The following AP4E1 variants were observed in gnomAD, a reference collection of about 807,000 sequenced individuals.
AP4E1 encodes adaptor related protein complex 4 subunit epsilon 1, also known as AP-4 complex subunit epsilon-1.
Under a neutral mutation model 128.2 loss-of-function variants are expected in AP4E1, and 56 were observed. That is an observed-to-expected ratio of 0.44 (90% CI 0.35 to 0.55). The LOEUF (loss-of-function observed/expected upper bound fraction) is 0.55. AP4E1 is among the 20% of genes least tolerant of loss of function. The pLI, the probability that AP4E1 is intolerant of heterozygous loss-of-function variation, is 0.00. For missense variants in AP4E1, 1,324 were observed against 1,307.7 expected (o/e 1.01, Z -0.19); for synonymous variants, 484 against 473.1 (o/e 1.02, Z -0.30).
intron 16 of AP4E1, among the ~76,000 whole-genome samples, chr15:50,986,429 A>G (rs1167148947): frequency 1.3e-5 from 2 of 152,278 alleles, no homozygotes; most frequent in Middle Eastern, 3.4e-3. Flanking sequence ...ATTCAGTATG[A>G]TATTGGCTGT....
Position 50,997,723 on chromosome 15 carries a change from A to G in AP4E1, c.2744A>G (p.His915Arg), listed in dbSNP as rs1414072598. The G allele has an allele frequency of 1.9e-6, 3 of 1,613,810 alleles. No individual in the cohort carries two copies. The highest frequency in any genetic ancestry group is 1.7e-5 in the Admixed American group (1 of 59,998). The change falls in exon 18 of 21, where the codon CAC becomes CGC. Residue 915 changes from histidine (H) to arginine (R), a missense_variant. His to Arg is a conservative substitution (Grantham distance 29, BLOSUM62 0). Coordinates refer to ENST00000261842, the MANE Select transcript of AP4E1 (RefSeq NM_007347.5). ...SFLEETTEYIHSNAMEVCNNE... is the reference protein window; with the variant it reads ...SFLEETTEYIRSNAMEVCNNE... ...TTGGAAGAAACTACTGAATACATAC[A>G]CTCAAATGCTATGGAAGTCTGTAAT...
At chr15:50,976,247 G>T (rs1314996411) in intron 15 of AP4E1, among the ~76,000 whole-genome samples, 1 of 152,056 alleles carries the variant, frequency 6.6e-6, no homozygotes, top group Admixed American at 6.6e-5. Context: ...AAATTAATGT[G>T]ATATCATGTT....
chr15:50,945,955 A>G, intron 10 of AP4E1: 2 of 1,298,164 alleles, frequency 1.5e-6, no homozygotes, highest in Admixed American at 1.7e-5. Flanking sequence ...ATCTGTGCCA[A>G]TTGTGTCAGA....
At chr15:50,957,156 G>C (rs148350522) in intron 13 of AP4E1, among the ~76,000 whole-genome samples, 2 of 152,192 alleles carry the variant, frequency 1.3e-5, no homozygotes, top group African/African-American at 4.8e-5. Flanking sequence ...GCTCTCATCT[G>C]GTGTCCAGGA....
At position 50,930,657 on chromosome 15, in the gene AP4E1, A is replaced by C. The variant is rs936922764; in HGVS notation, c.703-148A>C. 10 of 798,214 alleles carry C rather than the reference A, an allele frequency of 1.3e-5. No individual in the cohort carries two copies. In the African/African-American group the frequency reaches 1.4e-4, roughly 11 times the overall value. The allele number at this position is 798,214 out of a possible 1,614,324, so 49.4% of individuals were successfully genotyped here. Reference sequence around the variant, plus strand: ...TTAGCCAGAGGAATTTTATCATGGAAGATATTATACATATTAGAGCACTGT... The same window carrying C: ...TTAGCCAGAGGAATTTTATCATGGACGATATTATACATATTAGAGCACTGT... On this transcript the variant is annotated intron_variant, in intron 6 of 20. Coordinates refer to ENST00000261842, the MANE Select transcript of AP4E1 (RefSeq NM_007347.5).
intron 13 of AP4E1, among the ~76,000 whole-genome samples, chr15:50,952,424 C>G (rs1047044134): frequency 1.3e-5 from 2 of 151,314 alleles, no homozygotes; most frequent in Non-Finnish European, 2.9e-5. Flanking sequence ...GCAGGAGAAT[C>G]TCTTGAACTC....
chr15:50,938,819 A>G (rs1172995366), intron 8 of AP4E1, among the ~76,000 whole-genome samples: 1 of 152,126 alleles, frequency 6.6e-6, no homozygotes, highest in Non-Finnish European at 1.5e-5. Context: ...AACAATAACC[A>G]GGAGCCTCTC....
At chr15:50,930,156 G>A (rs1055758930) in intron 6 of AP4E1, among the ~76,000 whole-genome samples, 3 of 142,580 alleles carry the variant, frequency 2.1e-5, no homozygotes, top group African/African-American at 5.2e-5. Context: ...CAACCTCCCC[G>A]TCCCAGGTTC....
intron 15 of AP4E1, among the ~76,000 whole-genome samples, chr15:50,975,130 G>A (rs2064534283): frequency 6.6e-6 from 1 of 152,180 alleles, no homozygotes; most frequent in Non-Finnish European, 1.5e-5. Flanking sequence ...TACCAGCTGG[G>A]CGCGGTGGCT....
chr15:50,976,148 C>T (rs777943475), intron 15 of AP4E1, among the ~76,000 whole-genome samples: 1 of 152,006 alleles, frequency 6.6e-6, no homozygotes, highest in Non-Finnish European at 1.5e-5. Flanking sequence ...AGGCAAAATA[C>T]TAGGAAACTG....
chr15:50,988,419 A>G (rs1175223195), intron 16 of AP4E1, among the ~76,000 whole-genome samples: 1 of 151,772 alleles, frequency 6.6e-6, no homozygotes, highest in Non-Finnish European at 1.5e-5. Context: ...GGCTCAGGCA[A>G]TTCTCCTGCC....
At position 50,923,942 on chromosome 15, in the gene AP4E1, G is replaced by C; in HGVS notation, c.358G>C (p.Val120Leu). ...CTCAACTTTTATAGGTTATTTGGCT[G>C]TTTCCTTATTTCTACATGAAAGTCA... ...LLEKRVGYLA[V>L]SLFLHESHEL... is the part of the protein sequence containing the mutation. The change falls in exon 4 of 21, where the codon GTT becomes CTT. Residue 120 changes from valine (V) to leucine (L), a missense_variant. Val to Leu is a conservative substitution (Grantham distance 32, BLOSUM62 1). Transcript: ENST00000261842. 3.1e-6 allele frequency: 5 copies of C among 1,611,462 alleles called. No homozygotes were observed. Among genetic ancestry groups the C allele is most frequent in the Non-Finnish European group, 4.2e-6 (5 of 1,178,132 alleles).
intron 15 of AP4E1, among the ~76,000 whole-genome samples, chr15:50,978,604 T>C (rs1440790507): frequency 6.6e-6 from 1 of 152,190 alleles, no homozygotes; most frequent in East Asian, 1.9e-4. Context: ...TACTTTATTA[T>C]GTCTCACCTA....
At chr15:50,930,314 G>A (rs1596465429) in intron 6 of AP4E1, among the ~76,000 whole-genome samples, 1 of 140,690 alleles carries the variant, frequency 7.1e-6, no homozygotes, top group African/African-American at 2.7e-5. Flanking sequence ...TGATCCGCCC[G>A]CCTCATCCTC....
In AP4E1 at chr15:51,005,543, A is replaced by G. The variant is rs1240053939; in HGVS notation, c.*2881A>G. The G allele has an allele frequency of 6.6e-6, 1 of 152,638 alleles. No homozygotes were observed. Among genetic ancestry groups the G allele is most frequent in the East Asian group, 1.9e-4 (1 of 5,202 alleles). 9.5% of individuals were successfully genotyped at this position (152,638 alleles called of 1,614,324 possible). A position where few individuals can be genotyped will look rare whatever the true frequency, so the allele number is the denominator to read the frequency against. On this transcript the variant is annotated 3_prime_UTR_variant, in exon 21 of 21. Transcript: ENST00000261842. Reference sequence around the variant, plus strand: ...ATGTGCCAAGTATACCAAGCACAGCATGTGTCCTGTAGAGGAGCATTATTT... The same window carrying G: ...ATGTGCCAAGTATACCAAGCACAGCGTGTGTCCTGTAGAGGAGCATTATTT...
chr15:50,962,813 CA>C (rs2064333629), intron 14 of AP4E1, among the ~76,000 whole-genome samples: 1 of 127,498 alleles, frequency 7.8e-6, no homozygotes, highest in Non-Finnish European at 1.6e-5. Flanking sequence ...AGTGAAGAAA[CA>C]ATCTGTAGAC....
intron 14 of AP4E1, among the ~76,000 whole-genome samples, chr15:50,959,388 T>C (rs1412767173): frequency 6.6e-6 from 1 of 152,084 alleles, no homozygotes; most frequent in African/African-American, 2.4e-5. Flanking sequence ...GAAACCTTAT[T>C]TTATAGGCAA....
At chr15:50,917,316 C>T (rs1218820481) in intron 3 of AP4E1, among the ~76,000 whole-genome samples, 1 of 152,198 alleles carries the variant, frequency 6.6e-6, no homozygotes, top group African/African-American at 2.4e-5. Context: ...TCAGTGATGG[C>T]AGATTTTAGG....
At chr15:50,921,453 A>T (rs2141140867) in intron 3 of AP4E1, among the ~76,000 whole-genome samples, 1 of 151,810 alleles carries the variant, frequency 6.6e-6, no homozygotes, top group Non-Finnish European at 1.5e-5. Flanking sequence ...GGTTCAAACG[A>T]TTCTTATGCC....
Sources: gnomAD v4.1 joint callset for allele counts (sites outside exome capture counted in the v4.1 genomes callset) on GRCh38, gnomAD v4.1.1 for gene constraint, MANE v1.5 for transcripts, NCBI Gene and HGNC (gene_info 2026-07-23, HGNC 2026-07-21) for gene names.